COX7B2: variants seen among roughly 807,000 people sequenced by gnomAD.
COX7B2 encodes the protein cytochrome c oxidase subunit 7B2.
For missense variants in COX7B2, 109 were observed against 95.9 expected, an observed-to-expected ratio of 1.14 and a Z score of -0.57; for synonymous variants, 37 against 32.1, an observed-to-expected ratio of 1.15 and a Z score of -0.51.
At chr4:46,885,428 G>A (rs531611999) in intron 1 of COX7B2, among the ~76,000 whole-genome samples, 5 of 152,236 alleles carry the variant, frequency 3.3e-5, no homozygotes, top group African/African-American at 1.2e-4. Flanking sequence ...TAATAGTGCA[G>A]TTGGATAAGT....
intron 2 of COX7B2, among the ~76,000 whole-genome samples, chr4:46,796,354 C>T (rs1382575215): frequency 6.7e-6 from 1 of 149,106 alleles, no homozygotes; most frequent in African/African-American, 2.6e-5. Flanking sequence ...CTCATCATCA[C>T]TGGCCATCAG....
At chr4:46,750,441 C>T (rs115518524) in intron 2 of COX7B2, among the ~76,000 whole-genome samples, 1,674 of 151,962 alleles carry the variant, frequency 0.011, 34 homozygotes, top group African/African-American at 0.039. Flanking sequence ...ATTATAAGGA[C>T]ATGTATATAT....
chr4:46,894,748 G>A (rs1177307238), intron 1 of COX7B2, among the ~76,000 whole-genome samples: 1 of 152,004 alleles, frequency 6.6e-6, no homozygotes, highest in African/African-American at 2.4e-5. Flanking sequence ...ATCTGACAAA[G>A]GTCTAATACC....
chr4:46,871,959 T>C (rs1718020812), intron 1 of COX7B2, among the ~76,000 whole-genome samples: 1 of 152,092 alleles, frequency 6.6e-6, no homozygotes, highest in Non-Finnish European at 1.5e-5. Context: ...AACCCAGCAA[T>C]CCTATTATTG....
chr4:46,859,612 A>G (rs1717218770), intron 1 of COX7B2, among the ~76,000 whole-genome samples: 1 of 152,232 alleles, frequency 6.6e-6, no homozygotes, highest in Non-Finnish European at 1.5e-5. Flanking sequence ...TTTCAACAAT[A>G]CATAACCTTG....
intron 2 of COX7B2, among the ~76,000 whole-genome samples, chr4:46,749,093 A>G (rs1715191827): frequency 6.6e-6 from 1 of 152,050 alleles, no homozygotes; most frequent in South Asian, 2.1e-4. Context: ...TTCATCCTTT[A>G]TGATTTTGTT....
chr4:46,734,871 ATT>A lies in COX7B2; in HGVS notation c.*74_*75del. 1 of 1,503,448 alleles carries A rather than the reference ATT, an allele frequency of 6.7e-7. No individual in the cohort carries two copies. Among genetic ancestry groups the A allele is most frequent in the Admixed American group, 1.8e-5 (1 of 54,276 alleles). The allele number at this position is 1,503,448 out of a possible 1,614,324, so 93.1% of individuals were successfully genotyped here. ...CATTTTATTTTTTCAATTGTGCTAT[ATT>A]TTAATAAGCAGTAGAGTGCTTACAT... On this transcript the variant is annotated 3_prime_UTR_variant, in exon 3 of 3. Coordinates refer to ENST00000355591, the MANE Select transcript of COX7B2 (RefSeq NM_130902.3).
intron 2 of COX7B2, among the ~76,000 whole-genome samples, chr4:46,766,873 A>G (rs1447723381): frequency 6.6e-6 from 1 of 152,186 alleles, no homozygotes; most frequent in Non-Finnish European, 1.5e-5. Context: ...CCAAACATAA[A>G]GAGAAAAGAA....
chr4:46,882,334 G>T (rs566255826), intron 1 of COX7B2, among the ~76,000 whole-genome samples: 2 of 152,214 alleles, frequency 1.3e-5, no homozygotes, highest in East Asian at 3.9e-4. Flanking sequence ...TTGAGTTCAG[G>T]TCCTGAATCT....
At chr4:46,798,282 A>G (rs1718467420) in intron 2 of COX7B2, among the ~76,000 whole-genome samples, 2 of 152,166 alleles carry the variant, frequency 1.3e-5, no homozygotes, top group African/African-American at 4.8e-5. Flanking sequence ...AAGAAGCACA[A>G]TGCCTGGTAG....
intron 2 of COX7B2, among the ~76,000 whole-genome samples, chr4:46,814,881 G>A (rs1719468636): frequency 6.6e-6 from 1 of 152,060 alleles, no homozygotes; most frequent in Non-Finnish European, 1.5e-5. Context: ...AATTAGATGT[G>A]GTTTAAGAAA....
intron 2 of COX7B2, among the ~76,000 whole-genome samples, chr4:46,778,194 TG>T (rs1560374562): frequency 1.3e-5 from 2 of 152,210 alleles, no homozygotes; most frequent in African/African-American, 4.8e-5. Context: ...ATAAGAACTT[TG>T]AAAATTTCAA....
At chr4:46,798,423 G>A (rs1718474089) in intron 2 of COX7B2, among the ~76,000 whole-genome samples, 1 of 152,168 alleles carries the variant, frequency 6.6e-6, no homozygotes, top group East Asian at 1.9e-4. Context: ...AGGTTCAGGT[G>A]GCTGTGCAAG....
intron 2 of COX7B2, among the ~76,000 whole-genome samples, chr4:46,841,830 T>C (rs182926498): frequency 2.9e-4 from 44 of 152,124 alleles, no homozygotes; most frequent in Admixed American, 2.9e-3. Flanking sequence ...CATTGGCCTC[T>C]GTAGCAATTA....
At chr4:46,799,965 T>G (rs1577719357) in intron 2 of COX7B2, among the ~76,000 whole-genome samples, 1 of 152,164 alleles carries the variant, frequency 6.6e-6, no homozygotes, top group South Asian at 2.1e-4. Flanking sequence ...TGGCTGTGAA[T>G]CTGTCAGGTT....
chr4:46,876,750 T>C (rs1489872769), intron 1 of COX7B2: 1 of 152,044 alleles, frequency 6.6e-6, no homozygotes, highest in Admixed American at 6.5e-5. Flanking sequence ...AAAACAAGAA[T>C]AGAAAAAAAG....
chr4:46,867,322 G>GA (rs1397631761), intron 1 of COX7B2, among the ~76,000 whole-genome samples: 2 of 152,078 alleles, frequency 1.3e-5, no homozygotes, highest in Non-Finnish European at 2.9e-5. Context: ...TCTCTAATGG[G>GA]AAAAAATAAG....
chr4:46,804,806 T>G (rs1275470381), intron 2 of COX7B2, among the ~76,000 whole-genome samples: 1 of 152,256 alleles, frequency 6.6e-6, no homozygotes, highest in Non-Finnish European at 1.5e-5. Flanking sequence ...TGGAGCTGCC[T>G]GCCAGTCCTG....
At chr4:46,896,449 T>C (rs549762224) in intron 1 of COX7B2, among the ~76,000 whole-genome samples, 3 of 152,138 alleles carry the variant, frequency 2.0e-5, no homozygotes, top group African/African-American at 7.2e-5. Context: ...TGCTAATAAG[T>C]CTACATGTTT....
Sources: allele counts gnomAD v4.1 joint callset (sites outside exome capture counted in the v4.1 genomes callset), GRCh38; gene constraint gnomAD v4.1.1; transcripts MANE v1.5; gene names NCBI Gene and HGNC (gene_info 2026-07-23, HGNC 2026-07-21).